PCDH7: variants seen among roughly 807,000 people sequenced by gnomAD.
PCDH7 encodes the protein protocadherin 7.
A neutral mutation model predicts 58.9 loss-of-function variants in PCDH7; 17 were observed. That is an observed-to-expected ratio of 0.29 (90% CI 0.20 to 0.43). The LOEUF is 0.43. Among genes scored for constraint, PCDH7 ranks in the 20% least tolerant of loss-of-function variants. The probability of loss-of-function intolerance (pLI) is 1.00; values close to 1 mark genes in which losing one functional copy is unlikely to be tolerated. For missense variants in PCDH7, 1,274 were observed against 1,441.0 expected (o/e 0.88, Z 1.88); for synonymous variants, 664 against 616.4 (o/e 1.08, Z -1.14).
intron 1 of PCDH7, among the ~76,000 whole-genome samples, chr4:30,780,341 T>C (rs1722615820): frequency 6.6e-6 from 1 of 151,964 alleles, no homozygotes; most frequent in Admixed American, 6.6e-5. Context: ...CCCCCATCTC[T>C]ACTAAAAATA....
intron 3 of PCDH7, among the ~76,000 whole-genome samples, chr4:31,117,158 A>G (rs1373725485): frequency 6.6e-6 from 1 of 152,216 alleles, no homozygotes; most frequent in East Asian, 1.9e-4. Flanking sequence ...CTGGCATTAC[A>G]GGCATGAGCC....
chr4:30,854,315 C>T (rs1218427776), intron 1 of PCDH7, among the ~76,000 whole-genome samples: 1 of 148,404 alleles, frequency 6.7e-6, no homozygotes, highest in Non-Finnish European at 1.5e-5. Flanking sequence ...CCAGTAGTAA[C>T]TCACCTTCTT....
At chr4:30,913,261 C>T (rs28650136) in intron 1 of PCDH7, among the ~76,000 whole-genome samples, 5,577 of 151,460 alleles carry the variant, frequency 0.037, 330 homozygotes, top group African/African-American at 0.13. Flanking sequence ...GTTACTACAT[C>T]AGTACTGTCA....
At chr4:31,113,469 G>A (rs1221060557) in intron 3 of PCDH7, among the ~76,000 whole-genome samples, 1 of 151,996 alleles carries the variant, frequency 6.6e-6, no homozygotes, top group Non-Finnish European at 1.5e-5. Context: ...AGGACATGTT[G>A]GTAATATTTC....
intron 1 of PCDH7, among the ~76,000 whole-genome samples, chr4:30,833,729 A>C (rs927106376): frequency 6.6e-6 from 1 of 152,230 alleles, no homozygotes; most frequent in Non-Finnish European, 1.5e-5. Flanking sequence ...AGTACTTTAC[A>C]TCTGAACACG....
intron 3 of PCDH7, among the ~76,000 whole-genome samples, chr4:30,954,093 C>T (rs1384794949): frequency 6.6e-6 from 1 of 152,090 alleles, no homozygotes; most frequent in Non-Finnish European, 1.5e-5. Context: ...GTTACAAATG[C>T]CAAATTGCTG....
At chr4:30,962,941 G>A (rs1402329912) in intron 3 of PCDH7, among the ~76,000 whole-genome samples, 1 of 152,088 alleles carries the variant, frequency 6.6e-6, no homozygotes, top group Non-Finnish European at 1.5e-5. Context: ...TCTCAACTGG[G>A]CTTTCACCAG....
chr4:31,050,447 G>A (rs546658301), intron 3 of PCDH7, among the ~76,000 whole-genome samples: 9 of 152,040 alleles, frequency 5.9e-5, no homozygotes, highest in Non-Finnish European at 1.2e-4. Context: ...GAATAATGAG[G>A]AAAAATAAAA....
At chr4:30,724,073 T>C (rs750419383) in exon 1 of PCDH7, 2 of 1,614,058 alleles carry the variant, frequency 1.2e-6, no homozygotes, top group South Asian at 2.2e-5. Context: ...GTCATTGGCG[T>C]GGTTGCTGGC....
At chr4:30,845,717 A>T (rs1205268633) in intron 1 of PCDH7, among the ~76,000 whole-genome samples, 1 of 152,068 alleles carries the variant, frequency 6.6e-6, no homozygotes, top group African/African-American at 2.4e-5. Flanking sequence ...CTCACTCCTT[A>T]GCCTCCCAAG....
At chr4:31,010,590 G>A (rs558125071) in intron 3 of PCDH7, among the ~76,000 whole-genome samples, 11 of 151,980 alleles carry the variant, frequency 7.2e-5, no homozygotes, top group African/African-American at 2.6e-4. Flanking sequence ...CTACCTCAAA[G>A]CTCCTGCTTG....
In PCDH7 at chr4:30,920,144, C is replaced by G; in HGVS notation, c.71-9C>G. The stretch of plus-strand genomic sequence containing the variant: ...ATCGTAGTGACATTCAGAATCTTTT[C>G]TTTTGCAGCCATTTCGTAGAGTGAC... On this transcript the variant is annotated splice_polypyrimidine_tract_variant and intron_variant, in intron 1 of 3. Transcript: ENST00000509759. The G allele has an allele frequency of 7.3e-7, 1 of 1,365,874 alleles. No individual in the cohort carries two copies. The highest frequency in any genetic ancestry group is 9.8e-7 in the Non-Finnish European group (1 of 1,020,662). 84.6% of individuals were successfully genotyped at this position (1,365,874 alleles called of 1,614,324 possible). A position where few individuals can be genotyped will look rare whatever the true frequency, so the allele number is the denominator to read the frequency against.
chr4:31,041,730 C>G (rs550342995), intron 3 of PCDH7, among the ~76,000 whole-genome samples: 1 of 152,032 alleles, frequency 6.6e-6, no homozygotes, highest in Non-Finnish European at 1.5e-5. Flanking sequence ...GTTTATGTAG[C>G]GTTTTCATCC....
chr4:30,892,528 G>T (rs1419832492), intron 1 of PCDH7, among the ~76,000 whole-genome samples: 4 of 151,986 alleles, frequency 2.6e-5, no homozygotes, highest in African/African-American at 4.8e-5. Flanking sequence ...ACAATGCTAA[G>T]AGAGAAAAAG....
intron 1 of PCDH7, among the ~76,000 whole-genome samples, chr4:30,779,452 C>A (rs1046459926): frequency 6.6e-6 from 1 of 152,130 alleles, no homozygotes; most frequent in Non-Finnish European, 1.5e-5. Flanking sequence ...TACAAAAAGT[C>A]TTTCTGAAAA....
chr4:31,077,046 T>C (rs1283466607), intron 3 of PCDH7, among the ~76,000 whole-genome samples: 1 of 152,048 alleles, frequency 6.6e-6, no homozygotes, highest in Non-Finnish European at 1.5e-5. Flanking sequence ...AAAATTGTAA[T>C]GATTGGAAAT....
At chr4:30,809,823 G>C (rs1260945151) in intron 1 of PCDH7, among the ~76,000 whole-genome samples, 2 of 152,062 alleles carry the variant, frequency 1.3e-5, no homozygotes, top group African/African-American at 4.8e-5. Context: ...GGGTTGGTCT[G>C]GTGTTTATTA....
chr4:30,932,038 A>G (rs974564767), intron 2 of PCDH7, among the ~76,000 whole-genome samples: 1 of 152,190 alleles, frequency 6.6e-6, no homozygotes, highest in African/African-American at 2.4e-5. Context: ...AACTACATTT[A>G]TGGTGAGATC....
At chr4:30,904,247 A>C (rs150840709) in intron 1 of PCDH7, among the ~76,000 whole-genome samples, 128 of 152,292 alleles carry the variant, frequency 8.4e-4, no homozygotes, top group Non-Finnish European at 1.5e-3. Flanking sequence ...TGATGTCAGA[A>C]ATGCAAAATC....
Sources: gnomAD v4.1 joint callset for allele counts (sites outside exome capture counted in the v4.1 genomes callset) on GRCh38, gnomAD v4.1.1 for gene constraint, MANE v1.5 for transcripts, NCBI Gene and HGNC (gene_info 2026-07-23, HGNC 2026-07-21) for gene names.